SOX6: variants seen among roughly 807,000 people sequenced by gnomAD.
The protein encoded by SOX6 is SRY-box transcription factor 6.
A neutral mutation model predicts 97.8 loss-of-function variants in SOX6; 11 were observed. The observed-to-expected ratio is 0.11, with a 90% CI of 0.07 to 0.19. SOX6 has a LOEUF of 0.19. SOX6 is among the 10% of genes least tolerant of loss of function. The pLI, the probability that SOX6 is intolerant of heterozygous loss-of-function variation, is 1.00. For missense variants in SOX6, 810 were observed against 1,039.5 expected (o/e 0.78, Z 3.04); for synonymous variants, 360 against 371.4 (o/e 0.97, Z 0.35).
chr11:16,562,350 C>A (rs972077584), intron 4 of SOX6, among the ~76,000 whole-genome samples: 12 of 152,142 alleles, frequency 7.9e-5, no homozygotes, highest in African/African-American at 2.9e-4. Flanking sequence ...GTTGTGTATA[C>A]CAGACTTGGA....
rs1049482574 is a variant in SOX6 at position 16,434,664 on chromosome 11, T to A, written c.-5+41651A>T. On this transcript the variant is annotated intron_variant, in intron 1 of 15. Coordinates refer to the SOX6 transcript ENST00000396356. ...TTTGACGTAAAAGGCCCTTTTCTAT[T>A]TGATTTGTATCCTTAGCCCTTAGCA... Among the ~76,000 whole-genome samples, 5 of 152,292 alleles carry A rather than the reference T, an allele frequency of 3.3e-5. No individual in the cohort carries two copies. In the South Asian group the frequency reaches 1.0e-3, roughly 32 times the overall value.
At chr11:16,029,405 A>C (rs1855298675) in intron 12 of SOX6, among the ~76,000 whole-genome samples, 1 of 152,114 alleles carries the variant, frequency 6.6e-6, no homozygotes, top group African/African-American at 2.4e-5. Context: ...TGGGAGGCCG[A>C]GGCGGGTGAA....
At chr11:15,986,615 G>A (rs1368926586) in intron 14 of SOX6, among the ~76,000 whole-genome samples, 195 bp from the exon 15 acceptor site, 1 of 152,122 alleles carries the variant, frequency 6.6e-6, no homozygotes, top group Non-Finnish European at 1.5e-5. Flanking sequence ...ACTTTCTTGT[G>A]TTATTTATCT....
intron 4 of SOX6, among the ~76,000 whole-genome samples, chr11:16,597,783 G>T (rs1020019747): frequency 6.6e-6 from 1 of 151,910 alleles, no homozygotes; most frequent in Non-Finnish European, 1.5e-5. Context: ...ATACTATATA[G>T]CAATGACAAA....
intron 4 of SOX6, among the ~76,000 whole-genome samples, chr11:16,226,933 A>C (rs1336358808): frequency 6.6e-6 from 1 of 152,142 alleles, no homozygotes; most frequent in Non-Finnish European, 1.5e-5. Flanking sequence ...CCCACTGCAG[A>C]ATTCAAAGTC....
chr11:16,521,784 AGGAGCTGAT>A (rs1439017305), intron 4 of SOX6, among the ~76,000 whole-genome samples: 11 of 152,222 alleles, frequency 7.2e-5, no homozygotes, highest in Non-Finnish European at 1.6e-4. Flanking sequence ...AAGTGCTTAA[AGGAGCTGAT>A]GGAGCTGAAA....
Position 16,505,437 on chromosome 11 carries a change from A to G in SOX6, n.610-29049T>C, listed in dbSNP as rs534564632. ...CTTCCAACGGCATATGTTTATATTC[A>G]TGAGCAAAGACATAATCTGAAACTG... On this transcript the variant is annotated intron_variant and non_coding_transcript_variant, in intron 4 of 5. Transcript: ENST00000524520. 8.1e-4 allele frequency among the ~76,000 whole-genome samples: 123 copies of G among 152,224 alleles called. 1 individual carries two copies. Among genetic ancestry groups the G allele is most frequent in the Non-Finnish European group, 1.1e-3 (73 of 68,044 alleles).
chr11:16,436,901 A>C (rs1051549410), intron 1 of SOX6, among the ~76,000 whole-genome samples: 1 of 152,024 alleles, frequency 6.6e-6, no homozygotes, highest in African/African-American at 2.4e-5. Flanking sequence ...TTTTCATGGA[A>C]TCCTAGCCTT....
rs530349259 is a variant in SOX6, at chr11:16,680,437, T to C, written n.429+34393A>G. Among the ~76,000 whole-genome samples, 277 of 152,206 alleles carry C rather than the reference T, an allele frequency of 1.8e-3. 1 individual carries two copies. Among genetic ancestry groups the C allele is most frequent in the Admixed American group, 3.6e-3 (55 of 15,290 alleles). On this transcript the variant is annotated intron_variant and non_coding_transcript_variant, in intron 3 of 5. Transcript: ENST00000524520. ...AGATTTTGTAACCATCAGGACTGCC[T>C]TACAAGAGCTCCTGAAGGAAGCACT...
chr11:16,684,398 C>T (rs1847952530), intron 3 of SOX6, among the ~76,000 whole-genome samples: 1 of 152,028 alleles, frequency 6.6e-6, no homozygotes, highest in Non-Finnish European at 1.5e-5. Flanking sequence ...TACTATGCAG[C>T]CATAAAAAAG....
chr11:16,644,192 C>T (rs544250888), intron 3 of SOX6, among the ~76,000 whole-genome samples: 2 of 152,286 alleles, frequency 1.3e-5, no homozygotes, highest in East Asian at 1.9e-4. Context: ...CAGCATGTGC[C>T]ACCACACCTG....
intron 2 of SOX6, among the ~76,000 whole-genome samples, chr11:16,715,755 AG>A (rs1050563145): frequency 3.3e-5 from 5 of 152,170 alleles, no homozygotes; most frequent in African/African-American, 1.2e-4. Flanking sequence ...GTAAAAAAAA[AG>A]ATTAAAACAA....
chr11:16,364,919 T>C (rs1054275633), intron 1 of SOX6, among the ~76,000 whole-genome samples: 2 of 152,126 alleles, frequency 1.3e-5, no homozygotes, highest in African/African-American at 2.4e-5. Flanking sequence ...AAACTGGGAT[T>C]GTACTACTGT....
chr11:15,974,934 C>T (rs957211197), intron 15 of SOX6, among the ~76,000 whole-genome samples: 6 of 152,154 alleles, frequency 3.9e-5, no homozygotes, highest in African/African-American at 1.4e-4. Flanking sequence ...TCAAGCCCTG[C>T]ATTCAATAAC....
intron 12 of SOX6, among the ~76,000 whole-genome samples, chr11:16,037,887 T>TA (rs1855559291): frequency 6.6e-6 from 1 of 152,156 alleles, no homozygotes; most frequent in Admixed American, 6.5e-5. Context: ...ATGACAACCA[T>TA]CTCTTTCAGC....
chr11:16,589,860 C>T (rs1848130828), intron 4 of SOX6, among the ~76,000 whole-genome samples: 1 of 152,028 alleles, frequency 6.6e-6, no homozygotes, highest in Non-Finnish European at 1.5e-5. Context: ...ATACAATGCT[C>T]AATCAGTACT....
intron 3 of SOX6, among the ~76,000 whole-genome samples, chr11:16,649,657 CCAAAA>C (rs1849063881): frequency 6.6e-6 from 1 of 151,994 alleles, no homozygotes; most frequent in African/African-American, 2.4e-5. Flanking sequence ...TCAAAATACA[CCAAAA>C]CAGAACTTCC....
intron 3 of SOX6, among the ~76,000 whole-genome samples, chr11:16,708,859 T>A (rs1318727179): frequency 6.6e-6 from 1 of 152,172 alleles, no homozygotes; most frequent in African/African-American, 2.4e-5. Context: ...CACAAAAAAA[T>A]TCACTAAATA....
intron 15 of SOX6, among the ~76,000 whole-genome samples, 160 bp from the exon 16 acceptor site, chr11:15,973,272 G>A (rs1287208809): frequency 1.3e-5 from 2 of 152,216 alleles, no homozygotes; most frequent in African/African-American, 4.8e-5. Context: ...GTTCCCTGGA[G>A]GAGTACTGCA....
Sources: allele counts gnomAD v4.1 joint callset (sites outside exome capture counted in the v4.1 genomes callset), GRCh38; gene constraint gnomAD v4.1.1; transcripts MANE v1.5; gene names NCBI Gene and HGNC (gene_info 2026-07-23, HGNC 2026-07-21).